The following TECRL variants were observed in gnomAD, a reference collection of about 807,000 sequenced individuals.
The protein encoded by TECRL is trans-2,3-enoyl-CoA reductase-like.
A neutral mutation model predicts 52.8 loss-of-function variants in TECRL; 63 were observed. The observed-to-expected ratio is 1.19, with a 90% CI of 0.97 to 1.47. The LOEUF is 1.47. Ranked by LOEUF, TECRL falls within the 40% of genes most tolerant of loss-of-function variation. The probability of loss-of-function intolerance (pLI) is 0.00; values close to 1 mark genes in which losing one functional copy is unlikely to be tolerated. For synonymous variants in TECRL, 164 were observed against 141.9 expected (o/e 1.16, Z -1.10); for missense variants, 482 against 429.6 (o/e 1.12, Z -1.08).
chr4:64,321,037 C>G (rs1280325944), intron 4 of TECRL, among the ~76,000 whole-genome samples: 2 of 152,084 alleles, frequency 1.3e-5, no homozygotes, highest in East Asian at 3.9e-4. Context: ...GAGCTCCTTA[C>G]TGTACTGCAA....
At chr4:64,326,256 C>T (rs1208009878) in intron 3 of TECRL, among the ~76,000 whole-genome samples, 4 of 152,064 alleles carry the variant, frequency 2.6e-5, no homozygotes, top group Non-Finnish European at 4.4e-5. Context: ...GAAATCCAAT[C>T]ATTTTAAACA....
intron 11 of TECRL, 40 bp downstream of exon 11, chr4:64,281,001 G>A: frequency 6.9e-7 from 1 of 1,441,370 alleles, no homozygotes; most frequent in Non-Finnish European, 9.6e-7. Flanking sequence ...TCTTAAAGAT[G>A]CATTTATTTT....
chr4:64,400,297 C>T (rs1724264243), intron 1 of TECRL, among the ~76,000 whole-genome samples: 1 of 152,144 alleles, frequency 6.6e-6, no homozygotes, highest in African/African-American at 2.4e-5. Context: ...AGTGTTTACT[C>T]AATGCTTGTA....
At chr4:64,409,079 CTT>C in intron 1 of TECRL, 37 bp downstream of exon 1, 1 of 1,438,876 alleles carries the variant, frequency 6.9e-7, no homozygotes, top group Non-Finnish European at 9.4e-7. Context: ...AGAAGAAACA[CTT>C]AAACAAACAA....
At chr4:64,338,173 A>G (rs1185173942) in intron 2 of TECRL, among the ~76,000 whole-genome samples, 2 of 152,170 alleles carry the variant, frequency 1.3e-5, no homozygotes, top group African/African-American at 4.8e-5. Context: ...CAAAAACAAG[A>G]AATAGGGAAA....
intron 1 of TECRL, among the ~76,000 whole-genome samples, chr4:64,397,037 C>T (rs1249176460): frequency 1.3e-5 from 2 of 152,066 alleles, no homozygotes; most frequent in Non-Finnish European, 2.9e-5. Context: ...ACTAATGGAA[C>T]ATGAGAGAGA....
chr4:64,289,181 A>T (rs1164125575), intron 9 of TECRL, among the ~76,000 whole-genome samples: 1 of 152,212 alleles, frequency 6.6e-6, no homozygotes, highest in Non-Finnish European at 1.5e-5. Context: ...ATGATTTAAA[A>T]TTCATAGTTC....
intron 7 of TECRL, among the ~76,000 whole-genome samples, chr4:64,301,594 T>C (rs1356729423): frequency 6.6e-6 from 1 of 151,238 alleles, no homozygotes; most frequent in African/African-American, 2.4e-5. Flanking sequence ...TTTGTTAAAA[T>C]TGATAAGTGC....
At chr4:64,398,654 A>G (rs1368192939) in intron 1 of TECRL, among the ~76,000 whole-genome samples, 4 of 152,166 alleles carry the variant, frequency 2.6e-5, no homozygotes, top group African/African-American at 9.7e-5. Context: ...ACCCAGTCTC[A>G]GGTATTTTTT....
chr4:64,327,488 C>T (rs1718340702), intron 3 of TECRL, among the ~76,000 whole-genome samples: 1 of 152,048 alleles, frequency 6.6e-6, no homozygotes, highest in South Asian at 2.1e-4. Context: ...TTGAAAGGCA[C>T]TTATGTGCTG....
chr4:64,373,734 C>G (rs946373561), intron 2 of TECRL, among the ~76,000 whole-genome samples: 1 of 151,210 alleles, frequency 6.6e-6, no homozygotes, highest in East Asian at 1.9e-4. Flanking sequence ...CAAATGTCTT[C>G]CTACTTACTA....
chr4:64,279,695 A>G lies in TECRL; in HGVS notation c.*377T>C. The G allele has an allele frequency of 1.4e-6, 1 of 692,918 alleles. No homozygotes were observed. The highest frequency in any genetic ancestry group is 1.8e-6 in the Non-Finnish European group (1 of 563,034). The allele number at this position is 692,918 out of a possible 1,614,324, so 42.9% of individuals were successfully genotyped here. A position where few individuals can be genotyped will look rare whatever the true frequency, so the allele number is the denominator to read the frequency against. ...CATTTTAAAAATATACTTATTGACC[A>G]TGTATATGTCTTCCTTTGGGAAATG... On this transcript the variant is annotated 3_prime_UTR_variant, in exon 12 of 12. Coordinates refer to ENST00000381210, the MANE Select transcript of TECRL (RefSeq NM_001010874.5).
intron 8 of TECRL, among the ~76,000 whole-genome samples, chr4:64,297,858 T>C (rs76365555): frequency 0.011 from 1,655 of 151,290 alleles, 26 homozygotes; most frequent in African/African-American, 0.037. Context: ...CTTACTATCA[T>C]ATATTATTTG....
intron 8 of TECRL, among the ~76,000 whole-genome samples, chr4:64,291,120 G>C (rs1042812554): frequency 6.6e-6 from 1 of 151,984 alleles, no homozygotes; most frequent in Non-Finnish European, 1.5e-5. Context: ...GAGAGATTTA[G>C]TGAATTTCAC....
intron 5 of TECRL, among the ~76,000 whole-genome samples, chr4:64,314,336 A>T (rs1560491832): frequency 6.6e-6 from 1 of 152,060 alleles, no homozygotes; most frequent in Non-Finnish European, 1.5e-5. Context: ...TCAATTTTGT[A>T]ATTGTAAACT....
downstream of TECRL, chr4:64,276,683 TAA>T (rs1722587582): frequency 5.9e-6 from 1 of 168,520 alleles, no homozygotes; most frequent in Admixed American, 6.3e-5. Flanking sequence ...AAGCTAAAAT[TAA>T]GTTACTTAGA....
chr4:64,289,866 C>A (rs72638955), intron 8 of TECRL, 99 bp from the exon 9 acceptor site: 9,170 of 664,318 alleles, frequency 0.014, 89 homozygotes, highest in South Asian at 0.039. Context: ...GTACATTAAT[C>A]CCAAAGATTC....
At chr4:64,393,191 C>G (rs1723669544) in intron 1 of TECRL, among the ~76,000 whole-genome samples, 1 of 151,950 alleles carries the variant, frequency 6.6e-6, no homozygotes, top group African/African-American at 2.4e-5. Flanking sequence ...AGGCTTTTGG[C>G]ATTTAAAGTA....
chr4:64,295,288 T>C (rs1185479078), intron 8 of TECRL, among the ~76,000 whole-genome samples: 1 of 151,270 alleles, frequency 6.6e-6, no homozygotes, highest in Non-Finnish European at 1.5e-5. Flanking sequence ...TAATGTGAAA[T>C]ATGTATTAAT....
Sources: gnomAD v4.1 joint callset for allele counts (sites outside exome capture counted in the v4.1 genomes callset) on GRCh38, gnomAD v4.1.1 for gene constraint, MANE v1.5 for transcripts, NCBI Gene and HGNC (gene_info 2026-07-23, HGNC 2026-07-21) for gene names.